Variants in ANK2 observed in about 807,000 individuals in gnomAD.
The protein encoded by ANK2 is ankyrin 2, also known as ankyrin-2.
In ANK2, 83 loss-of-function variants were observed where a neutral mutation model predicts 360.5. The observed-to-expected ratio is 0.23, with a 90% CI of 0.19 to 0.28. The LOEUF (loss-of-function observed/expected upper bound fraction) is 0.28. ANK2 is among the 10% of genes least tolerant of loss of function. The probability of loss-of-function intolerance (pLI) is 1.00; values close to 1 mark genes in which losing one functional copy is unlikely to be tolerated. For missense variants in ANK2, 4,201 were observed against 4,795.7 expected (o/e 0.88, Z 3.66); for synonymous variants, 1,740 against 1,759.5 (o/e 0.99, Z 0.28).
At chr4:113,381,433 T>C in intron 45 of ANK2, 24 bp from the exon 46 acceptor site, 1 of 1,613,732 alleles carries the variant, frequency 6.2e-7, no homozygotes, top group South Asian at 1.1e-5. Flanking sequence ...AGAGCGTAAT[T>C]CTCTCTTGTC....
the ANK2 span, among the ~76,000 whole-genome samples, chr4:112,712,053 CACAT>C: frequency 6.7e-6 from 1 of 148,790 alleles, no homozygotes. Flanking sequence ...CACACACACA[CACAT>C]ATATATATAT....
the ANK2 span, among the ~76,000 whole-genome samples, chr4:112,791,731 T>A: frequency 6.6e-6 from 1 of 152,162 alleles, no homozygotes; most frequent in South Asian, 2.1e-4. Context: ...AGACTTGTGA[T>A]CCGCCCACCT....
chr4:113,369,504 T>C lies in ANK2; in HGVS notation c.11319-10T>C. The C allele has an allele frequency of 6.2e-7, 1 of 1,613,430 alleles. No individual in the cohort carries two copies. The highest frequency in any genetic ancestry group is 8.5e-7 in the Non-Finnish European group (1 of 1,180,004). ...TGTCCCTGAAGTCTCATTTGGCTTT[T>C]TGATTCCAGTGTGACAACTCCAGGA... On this transcript the variant is annotated splice_polypyrimidine_tract_variant and intron_variant, in intron 42 of 45. Coordinates refer to ENST00000357077, the MANE Select transcript of ANK2 (RefSeq NM_001148.6).
At chr4:113,050,705 G>C (rs2066591653) in intron 1 of ANK2, among the ~76,000 whole-genome samples, 1 of 152,150 alleles carries the variant, frequency 6.6e-6, no homozygotes, top group African/African-American at 2.4e-5. Context: ...AATATGGGCA[G>C]GATATTAGAT....
the ANK2 span, among the ~76,000 whole-genome samples, chr4:112,723,078 A>G: frequency 6.6e-6 from 1 of 152,152 alleles, no homozygotes; most frequent in Non-Finnish European, 1.5e-5. Context: ...TTTGGTTGGG[A>G]GACATTAGAG....
At chr4:112,806,454 T>A in the ANK2 span, among the ~76,000 whole-genome samples, 2 of 152,238 alleles carry the variant, frequency 1.3e-5, no homozygotes, top group Non-Finnish European at 2.9e-5. Context: ...ATTCATCCAC[T>A]GATGAATACT....
At chr4:113,183,895 A>G (rs182637668) in intron 2 of ANK2, among the ~76,000 whole-genome samples, 1 of 151,990 alleles carries the variant, frequency 6.6e-6, no homozygotes, top group East Asian at 2.0e-4. Flanking sequence ...AATGGCATCA[A>G]GAGGATACAG....
At chr4:112,939,388 C>T (rs1409606131) in intron 2 of ANK2, among the ~76,000 whole-genome samples, 1 of 152,090 alleles carries the variant, frequency 6.6e-6, no homozygotes, top group Non-Finnish European at 1.5e-5. Context: ...CGGCTCGCTG[C>T]AGCCTCCGCC....
At chr4:112,893,516 A>C (rs925073723) in intron 1 of ANK2, among the ~76,000 whole-genome samples, 1 of 152,146 alleles carries the variant, frequency 6.6e-6, no homozygotes, top group Non-Finnish European at 1.5e-5. Flanking sequence ...CATTACTTTT[A>C]ATGGCAAAAC....
intron 2 of ANK2, among the ~76,000 whole-genome samples, chr4:112,907,528 C>T (rs749512074): frequency 6.6e-6 from 1 of 152,094 alleles, no homozygotes; most frequent in South Asian, 2.1e-4. Context: ...AGGAAGTTCC[C>T]CTGAGACATC....
chr4:113,222,127 T>C (rs1344412710), intron 4 of ANK2, among the ~76,000 whole-genome samples: 2 of 152,248 alleles, frequency 1.3e-5, no homozygotes, highest in African/African-American at 4.8e-5. Context: ...AATGGACTGC[T>C]GGCATTAAAT....
chr4:112,715,268 AC>A, the ANK2 span, among the ~76,000 whole-genome samples: 1 of 152,058 alleles, frequency 6.6e-6, no homozygotes, highest in Admixed American at 6.6e-5. Context: ...CATCCTTAAG[AC>A]CTAGCCTTAG....
At chr4:113,350,465 T>C in intron 37 of ANK2, 6 of 473,858 alleles carry the variant, frequency 1.3e-5, no homozygotes, top group Non-Finnish European at 2.3e-5. Context: ...ATGCAATGAT[T>C]ATTCATCTAA....
At chr4:112,905,416 T>A (rs1160802143) in intron 2 of ANK2, among the ~76,000 whole-genome samples, 1 of 152,218 alleles carries the variant, frequency 6.6e-6, no homozygotes, top group African/African-American at 2.4e-5. Flanking sequence ...AATTGCAATT[T>A]TTAAAGCATT....
In ANK2 at chr4:113,330,187, G is replaced by A. The variant is rs73841957; in HGVS notation, c.2901-59G>A. 2,683 of 1,504,436 alleles carry A rather than the reference G, an allele frequency of 1.8e-3. 38 individuals carry two copies. In the African/African-American group the frequency reaches 0.031, roughly 17 times the overall value. 93.2% of individuals were successfully genotyped at this position (1,504,436 alleles called of 1,614,324 possible). On this transcript the variant is annotated intron_variant, in intron 26 of 45. Transcript: ENST00000357077. ...GCATTACGAAAAACAACTTGACAAA[G>A]CTTGTTCATCTGCCCCCAATATTTC... is the stretch of plus-strand genomic sequence containing the variant.
chr4:113,041,018 T>C (rs1445055601), intron 2 of ANK2, among the ~76,000 whole-genome samples: 1 of 152,110 alleles, frequency 6.6e-6, no homozygotes, highest in African/African-American at 2.4e-5. Flanking sequence ...GAATATAACA[T>C]TTTTGGTGGT....
In ANK2 at chr4:112,843,416, GAAC is replaced by G. The variant is rs1242858979; in HGVS notation, c.-40+25157_-40+25159del. On this transcript the variant is annotated intron_variant, in intron 1 of 30. Coordinates refer to the ANK2 transcript ENST00000503271. The stretch of plus-strand genomic sequence containing the variant: ...CAACAGTGGTATGAAGAGGCTGCGA[GAAC>G]AACATTTTCCAAACAGAAACTCTAG... Among the ~76,000 whole-genome samples, 7 of 152,296 alleles carry G rather than the reference GAAC, an allele frequency of 4.6e-5. No individual in the cohort carries two copies. The South Asian group carries it at 6.2e-4, about 14-fold the overall frequency.
intron 13 of ANK2, among the ~76,000 whole-genome samples, chr4:113,258,854 A>T (rs1288287887): frequency 1.3e-5 from 2 of 152,254 alleles, no homozygotes; most frequent in African/African-American, 4.8e-5. Context: ...AAGATTAACC[A>T]GAGATAGATC....
intron 42 of ANK2, among the ~76,000 whole-genome samples, chr4:113,368,588 A>T (rs1245566754): frequency 6.6e-6 from 1 of 152,216 alleles, no homozygotes; most frequent in African/African-American, 2.4e-5. Context: ...GATTGTCCAG[A>T]AAAGAAAACA....
Sources: gnomAD v4.1 joint callset for allele counts (sites outside exome capture counted in the v4.1 genomes callset) on GRCh38, gnomAD v4.1.1 for gene constraint, MANE v1.5 for transcripts, NCBI Gene and HGNC (gene_info 2026-07-23, HGNC 2026-07-21) for gene names.